PPIL3: variants seen among roughly 807,000 people sequenced by gnomAD.
PPIL3 encodes the protein peptidyl-prolyl cis-trans isomerase-like 3.
In PPIL3, 13 loss-of-function variants were observed where a neutral mutation model predicts 20.9. The observed-to-expected ratio is 0.62, with a 90% CI of 0.40 to 0.99. The LOEUF is 0.99. PPIL3 is among the 50% of genes least tolerant of loss of function. PPIL3 has a pLI of 0.00. For synonymous variants in PPIL3, 71 were observed against 64.4 expected, an observed-to-expected ratio of 1.10 and a Z score of -0.49; for missense variants, 170 against 195.2, an observed-to-expected ratio of 0.87 and a Z score of 0.77.
At chr2:200,889,286 G>A (rs2040106383), upstream of PPIL3, 32 of 318,458 alleles carry the variant, frequency 1.0e-4, 1 homozygote, top group South Asian at 7.9e-4. Flanking sequence ...CTGCCAAACG[G>A]AAAGGACCAC....
At position 200,871,249 on chromosome 2, in the gene PPIL3, G is replaced by T; in HGVS notation, c.*146C>A. ...TAAGAATGGGGATAAAAGCTGTTGGGCGCCCCTTGGTACCACCATTTCATA... is the reference window on the plus strand; with the variant it reads ...TAAGAATGGGGATAAAAGCTGTTGGTCGCCCCTTGGTACCACCATTTCATA... On this transcript the variant is annotated 3_prime_UTR_variant, in exon 7 of 7. Coordinates refer to ENST00000392283, the MANE Select transcript of PPIL3 (RefSeq NM_130906.3). 1 of 685,784 alleles carries T rather than the reference G, an allele frequency of 1.5e-6. No homozygotes were observed. Among genetic ancestry groups the T allele is most frequent in the Non-Finnish European group, 2.3e-6 (1 of 435,706 alleles). The allele number at this position is 685,784 out of a possible 1,614,324, so 42.5% of individuals were successfully genotyped here.
chr2:200,878,549 C>T (rs2039604626), intron 5 of PPIL3, among the ~76,000 whole-genome samples: 1 of 152,004 alleles, frequency 6.6e-6, no homozygotes, highest in South Asian at 2.1e-4. Flanking sequence ...ACCTCCATAC[C>T]TGGCTAATTT....
chr2:200,877,588 C>T (rs1213810397), intron 5 of PPIL3: 1 of 152,224 alleles, frequency 6.6e-6, no homozygotes, highest in Non-Finnish European at 1.5e-5. Flanking sequence ...ACAATGGACT[C>T]TTGCTAGTTT....
intron 6 of PPIL3, among the ~76,000 whole-genome samples, chr2:200,876,468 C>T (rs1181313415): frequency 6.6e-6 from 1 of 151,738 alleles, no homozygotes; most frequent in Non-Finnish European, 1.5e-5. Flanking sequence ...ACTTAAACTC[C>T]AGGTACGTTT....
intron 5 of PPIL3, among the ~76,000 whole-genome samples, chr2:200,879,409 G>A (rs904006093): frequency 1.3e-4 from 20 of 151,026 alleles, no homozygotes; most frequent in African/African-American, 3.4e-4. Context: ...GTGAGCCACC[G>A]CGCCCGGCCT....
At position 200,879,694 on chromosome 2, in the gene PPIL3, C is replaced by T. The variant is rs189607166; in HGVS notation, c.240+1727G>A. 2.2e-3 allele frequency among the ~76,000 whole-genome samples: 333 copies of T among 152,216 alleles called. 1 individual carries two copies. The highest frequency in any genetic ancestry group is 7.8e-3 in the African/African-American group (325 of 41,536). ...TACAAAAAATCAGAAATTAGCTGGG[C>T]ACGGTGGTGCACTCCTGTGGTCCAG... On this transcript the variant is annotated intron_variant, in intron 5 of 6. Transcript: ENST00000392283.
chr2:200,886,178 A>G lies in PPIL3; in HGVS notation c.4-406T>C, dbSNP rs145810585. On this transcript the variant is annotated intron_variant, in intron 2 of 6. Transcript: ENST00000392283. ...ATGAGAAAATGATTTTTCAAAACAT[A>G]ATTTCCACCATTTTCCTTAGGTAAT... is the stretch of plus-strand genomic sequence containing the variant. Among the ~76,000 whole-genome samples, 867 of 152,328 alleles carry G rather than the reference A, an allele frequency of 5.7e-3. 4 individuals are homozygous for G. Among genetic ancestry groups the G allele is most frequent in the Non-Finnish European group, 7.0e-3 (476 of 68,030 alleles).
In PPIL3 at chr2:200,882,401, T is replaced by C; in HGVS notation, c.113A>G (p.Asn38Ser). 6.2e-7 allele frequency: 1 copy of C among 1,607,882 alleles called. No homozygotes were observed. ...FLALCASNYY[N>S]GCIFHRNIKG... ...GATATTCCTATGAAATATACAGCCA[T>C]TGTAGTAATTACTGGCACAAAGAGC... The change falls in exon 4 of 7, where the codon AAT (asparagine) becomes AGT (serine). Residue 38 changes from asparagine (N) to serine (S), a missense_variant. Transcript: ENST00000392283.
chr2:200,884,338 G>T (rs2039851349), intron 3 of PPIL3, among the ~76,000 whole-genome samples: 1 of 152,028 alleles, frequency 6.6e-6, no homozygotes. Context: ...GGTGGCGGAG[G>T]TTGCAGTGAC....
chr2:200,886,472 C>A (rs964178771), intron 2 of PPIL3, among the ~76,000 whole-genome samples: 4 of 151,438 alleles, frequency 2.6e-5, no homozygotes, highest in African/African-American at 4.9e-5. Context: ...GTCGCCCACA[C>A]TGGAGTGCAG....
Position 200,887,540 on chromosome 2 carries a change from T to C in PPIL3, c.3+73A>G, listed in dbSNP as rs978279059. 2.5e-5 allele frequency: 30 copies of C among 1,188,602 alleles called. No homozygotes were observed. The African/African-American group carries it at 4.1e-4, about 16-fold the overall frequency. 73.6% of individuals were successfully genotyped at this position (1,188,602 alleles called of 1,614,324 possible). A position where few individuals can be genotyped will look rare whatever the true frequency, so the allele number is the denominator to read the frequency against. ...TTGCCACTGCAATTTCCATGAACTTTTATTGCCCTTGACTGAATTTCTAAA... is the reference window on the plus strand; with the variant it reads ...TTGCCACTGCAATTTCCATGAACTTCTATTGCCCTTGACTGAATTTCTAAA... On this transcript the variant is annotated intron_variant, in intron 2 of 6. Transcript: ENST00000392283.
intron 3 of PPIL3, among the ~76,000 whole-genome samples, chr2:200,883,217 G>A (rs1337598079): frequency 6.8e-6 from 1 of 146,552 alleles, no homozygotes; most frequent in Non-Finnish European, 1.5e-5. Flanking sequence ...GCCACCCGAA[G>A]TGCTGGAATT....
intron 3 of PPIL3, among the ~76,000 whole-genome samples, chr2:200,883,977 T>G (rs113830805): frequency 9.9e-5 from 15 of 152,282 alleles, no homozygotes; most frequent in African/African-American, 3.1e-4. Flanking sequence ...ATTGCCTAGG[T>G]AAGCCTAGAA....
rs2039542453 is a variant in PPIL3 at position 200,876,972 on chromosome 2, G to A, written c.306C>T (p.Phe102=). ...NGPNTNGSQF[F]ITYGKQPHLD... ...AATGTGGCTGTTTGCCATAGGTGAT[G>A]AAGAACTGAGATCCATTGGTGTTCG... Residue 102 remains phenylalanine (F), a synonymous_variant, in exon 6 of 7, where the codon TTC becomes TTT. Transcript: ENST00000392283. 6.2e-7 allele frequency: 1 copy of A among 1,613,946 alleles called. No homozygotes were observed. Among genetic ancestry groups the A allele is most frequent in the Non-Finnish European group, 8.5e-7 (1 of 1,179,814 alleles).
intron 5 of PPIL3, among the ~76,000 whole-genome samples, chr2:200,881,200 T>C (rs917354023): frequency 6.6e-6 from 1 of 152,334 alleles, no homozygotes; most frequent in African/African-American, 2.4e-5. Context: ...TGAACTCACT[T>C]ACTATCAAGA....
chr2:200,888,517 T>G (rs996301368), intron 1 of PPIL3: 1 of 191,298 alleles, frequency 5.2e-6, no homozygotes, highest in Non-Finnish European at 1.1e-5. Context: ...TACTATGAAC[T>G]TCTCTTTTTT....
Position 200,885,724 on chromosome 2 carries a change from A to G in PPIL3, c.52T>C (p.Cys18Arg). The change falls in exon 3 of 7, where the codon TGT becomes CGT. Residue 18 changes from cysteine (C) to arginine (R), a missense_variant. By Grantham distance (180) the Cys-to-Arg change is radical. Coordinates refer to ENST00000392283, the MANE Select transcript of PPIL3 (RefSeq NM_130906.3). ...TCACATGTTTTGGGTGTCCTCTCAC[A>G]GAAGACTTCAATTTTAATATCACCT... ...DVGDIKIEVF[C>R]ERTPKTCENF... 6.3e-7 allele frequency: 1 copy of G among 1,591,004 alleles called. No individual in the cohort carries two copies. Among genetic ancestry groups the G allele is most frequent in the Non-Finnish European group, 8.6e-7 (1 of 1,161,202 alleles).
chr2:200,879,737 G>A (rs2039652731), intron 5 of PPIL3, among the ~76,000 whole-genome samples: 1 of 152,154 alleles, frequency 6.6e-6, no homozygotes, highest in Admixed American at 6.6e-5. Flanking sequence ...AGAGGCTGAG[G>A]CAGGAGAAAC....
At chr2:200,872,982 C>T (rs1165433880) in intron 6 of PPIL3, among the ~76,000 whole-genome samples, 1 of 151,816 alleles carries the variant, frequency 6.6e-6, no homozygotes. Context: ...AGCAATTCTC[C>T]TGCCTCAGCC....
Sources: gnomAD v4.1 joint callset for allele counts (sites outside exome capture counted in the v4.1 genomes callset) on GRCh38, gnomAD v4.1.1 for gene constraint, MANE v1.5 for transcripts, NCBI Gene and HGNC (gene_info 2026-07-23, HGNC 2026-07-21) for gene names.